ASIC2: variants seen among roughly 807,000 people sequenced by gnomAD.
The protein encoded by ASIC2 is acid sensing ion channel subunit 2, also known as acid-sensing ion channel 2.
ASIC2 carries 25 observed loss-of-function variants against 57.3 expected under a neutral mutation model. The ratio of observed to expected loss-of-function variants is 0.44; its 90% CI spans 0.32 to 0.61. ASIC2 has a LOEUF of 0.61. ASIC2 is among the 20% of genes least tolerant of loss of function. The probability of loss-of-function intolerance (pLI) is 0.06; values close to 1 mark genes in which losing one functional copy is unlikely to be tolerated. For missense variants in ASIC2, 641 were observed against 738.1 expected (o/e 0.87, Z 1.52); for synonymous variants, 319 against 307.5 (o/e 1.04, Z -0.39).
intron 3 of ASIC2, among the ~76,000 whole-genome samples, chr17:33,088,182 T>C (rs1174325494): frequency 1.3e-5 from 2 of 152,184 alleles, no homozygotes; most frequent in Non-Finnish European, 2.9e-5. Flanking sequence ...GCAACAAGTA[T>C]TCAGGAGATA....
intron 1 of ASIC2, among the ~76,000 whole-genome samples, chr17:33,177,751 G>A (rs951069831): frequency 1.3e-5 from 2 of 152,178 alleles, no homozygotes; most frequent in African/African-American, 4.8e-5. Flanking sequence ...TCTGGTAACG[G>A]TGGAGACCCA....
At chr17:33,360,648 G>A (rs543168592) in intron 1 of ASIC2, among the ~76,000 whole-genome samples, 1 of 152,270 alleles carries the variant, frequency 6.6e-6, no homozygotes, top group South Asian at 2.1e-4. Flanking sequence ...TTTCTTAAAC[G>A]GAACTTTTAG....
At chr17:34,064,136 G>A (rs1909076619) in intron 1 of ASIC2, among the ~76,000 whole-genome samples, 2 of 152,048 alleles carry the variant, frequency 1.3e-5, no homozygotes, top group South Asian at 4.2e-4. Flanking sequence ...ATACTATAAG[G>A]CCATAGTCAC....
At chr17:33,233,879 A>T (rs1908201811) in intron 1 of ASIC2, among the ~76,000 whole-genome samples, 1 of 152,244 alleles carries the variant, frequency 6.6e-6, no homozygotes, top group Non-Finnish European at 1.5e-5. Flanking sequence ...GCACACGCTT[A>T]CCAAGTGCTG....
intron 1 of ASIC2, among the ~76,000 whole-genome samples, chr17:33,622,955 T>TG (rs1905846882): frequency 6.6e-6 from 1 of 152,224 alleles, no homozygotes; most frequent in South Asian, 2.1e-4. Context: ...TTGGGGCCTC[T>TG]GGCACTGGTA....
At chr17:33,397,859 T>C (rs1910136031) in intron 1 of ASIC2, among the ~76,000 whole-genome samples, 1 of 152,248 alleles carries the variant, frequency 6.6e-6, no homozygotes, top group Non-Finnish European at 1.5e-5. Context: ...CCCAGTTTTA[T>C]TGCAAATAAT....
chr17:33,962,028 A>T (rs1904940111), intron 1 of ASIC2, among the ~76,000 whole-genome samples: 3 of 152,120 alleles, frequency 2.0e-5, no homozygotes, highest in Admixed American at 1.3e-4. Context: ...TGAGGACCTC[A>T]CGGCAGTTCC....
intron 1 of ASIC2, among the ~76,000 whole-genome samples, chr17:33,299,736 C>G (rs1462035610): frequency 6.6e-6 from 1 of 152,070 alleles, no homozygotes; most frequent in East Asian, 1.9e-4. Context: ...AAAGAAAGAA[C>G]GTGGGCTAGA....
At chr17:33,410,007 T>C (rs1016463163) in intron 1 of ASIC2, among the ~76,000 whole-genome samples, 1 of 152,178 alleles carries the variant, frequency 6.6e-6, no homozygotes, top group Non-Finnish European at 1.5e-5. Context: ...GTCTGTTCCA[T>C]TCAGTTACAG....
At chr17:33,998,211 G>A (rs1049202608) in intron 1 of ASIC2, among the ~76,000 whole-genome samples, 11 of 151,890 alleles carry the variant, frequency 7.2e-5, no homozygotes, top group Non-Finnish European at 1.5e-4. Context: ...ATGATCCTTT[G>A]TATTTCTGCA....
At chr17:33,177,741 T>G (rs982245075) in intron 1 of ASIC2, among the ~76,000 whole-genome samples, 2 of 152,186 alleles carry the variant, frequency 1.3e-5, no homozygotes, top group African/African-American at 4.8e-5. Context: ...TGCCTGGGAA[T>G]CTGGTAACGG....
intron 1 of ASIC2, among the ~76,000 whole-genome samples, chr17:33,619,273 T>C (rs539862510): frequency 2.0e-5 from 3 of 152,338 alleles, no homozygotes; most frequent in South Asian, 2.1e-4. Context: ...TTTTTATTTG[T>C]ACTCAATAAT....
intron 1 of ASIC2, among the ~76,000 whole-genome samples, chr17:34,083,920 T>G (rs200837615): frequency 1.3e-5 from 2 of 152,256 alleles, no homozygotes; most frequent in East Asian, 3.8e-4. Context: ...TTCTGGATAT[T>G]AGCCCTTTGT....
intron 1 of ASIC2, among the ~76,000 whole-genome samples, chr17:33,655,091 G>T: frequency 6.6e-6 from 1 of 152,156 alleles, no homozygotes; most frequent in Admixed American, 6.5e-5. Context: ...TGGGACAAGT[G>T]GTAGCCCTTT....
At chr17:34,037,440 G>T in intron 1 of ASIC2, 5 of 614,022 alleles carry the variant, frequency 8.1e-6, no homozygotes, top group Non-Finnish European at 1.1e-5. Flanking sequence ...AGCTGCCCAA[G>T]GTTTCTCCTC....
intron 1 of ASIC2, among the ~76,000 whole-genome samples, chr17:33,632,813 C>T (rs1033001122): frequency 1.3e-5 from 2 of 152,180 alleles, no homozygotes; most frequent in African/African-American, 4.8e-5. Flanking sequence ...ACAACAATGC[C>T]AGCAATAATA....
intron 1 of ASIC2, among the ~76,000 whole-genome samples, chr17:33,661,874 G>C (rs753697871): frequency 1.3e-5 from 2 of 152,122 alleles, no homozygotes; most frequent in Non-Finnish European, 2.9e-5. Context: ...AACCACCATA[G>C]AACTTACCTT....
intron 1 of ASIC2, chr17:33,581,132 A>G (rs1219160461): frequency 5.9e-5 from 9 of 152,366 alleles, no homozygotes; most frequent in African/African-American, 1.9e-4. Flanking sequence ...GGTGGGCTCA[A>G]TGTAATCCCA....
At chr17:33,125,292 G>GAGC (rs1309797033) in intron 1 of ASIC2, among the ~76,000 whole-genome samples, 1 of 152,198 alleles carries the variant, frequency 6.6e-6, no homozygotes, top group Non-Finnish European at 1.5e-5. Flanking sequence ...ATAGAAGAGA[G>GAGC]AGCATAGGCT....
Sources: allele counts gnomAD v4.1 joint callset (sites outside exome capture counted in the v4.1 genomes callset), GRCh38; gene constraint gnomAD v4.1.1; transcripts MANE v1.5; gene names NCBI Gene and HGNC (gene_info 2026-07-23, HGNC 2026-07-21).